The following THEM4 variants were observed in gnomAD, a reference collection of about 807,000 sequenced individuals.
THEM4 encodes thioesterase superfamily member 4.
A neutral mutation model predicts 25.0 loss-of-function variants in THEM4; 22 were observed. The observed-to-expected ratio is 0.88, with a 90% CI of 0.63 to 1.26. The LOEUF is 1.26. Ranked by LOEUF, THEM4 falls within the 50% of genes most tolerant of loss-of-function variation. The probability of loss-of-function intolerance (pLI) is 0.00; values close to 1 mark genes in which losing one functional copy is unlikely to be tolerated. For synonymous variants in THEM4, 113 were observed against 105.6 expected, an observed-to-expected ratio of 1.07 and a Z score of -0.43; for missense variants, 286 against 300.3, an observed-to-expected ratio of 0.95 and a Z score of 0.35.
chr1:151,884,679 T>A (rs1048084455), intron 4 of THEM4, among the ~76,000 whole-genome samples: 1 of 28,426 alleles, frequency 3.5e-5, no homozygotes, highest in African/African-American at 9.0e-5. Context: ...TTTCATTTCC[T>A]TTTTTTTGTT....
intron 2 of THEM4, 30 bp downstream of exon 2, chr1:151,894,978 A>G: frequency 6.2e-7 from 1 of 1,605,578 alleles, no homozygotes; most frequent in Non-Finnish European, 8.5e-7. Context: ...TGATGCTCAG[A>G]TATATTAATG....
At chr1:151,900,790 T>C (rs1654333205) in intron 1 of THEM4, among the ~76,000 whole-genome samples, 1 of 152,178 alleles carries the variant, frequency 6.6e-6, no homozygotes, top group Non-Finnish European at 1.5e-5. Context: ...AATCTGGCCA[T>C]AAACTGGCCC....
chr1:151,907,563 C>T (rs1654499096), intron 1 of THEM4, among the ~76,000 whole-genome samples: 1 of 152,138 alleles, frequency 6.6e-6, no homozygotes, highest in Non-Finnish European at 1.5e-5. Flanking sequence ...CTGGGCCCAG[C>T]TTTTGGATGT....
chr1:151,880,347 G>C (rs868023654), intron 4 of THEM4, among the ~76,000 whole-genome samples: 35 of 152,006 alleles, frequency 2.3e-4, no homozygotes, highest in African/African-American at 8.5e-4. Context: ...GCATGGTGGT[G>C]GGTGCCTGTA....
At chr1:151,893,369 C>T (rs1466789300) in intron 2 of THEM4, among the ~76,000 whole-genome samples, 1 of 69,736 alleles carries the variant, frequency 1.4e-5, no homozygotes, top group Non-Finnish European at 2.8e-5. Flanking sequence ...GAGACTCATT[C>T]TCAAAACCAA....
At chr1:151,882,307 C>T (rs559718502) in intron 4 of THEM4, among the ~76,000 whole-genome samples, 32 of 141,724 alleles carry the variant, frequency 2.3e-4, no homozygotes, top group South Asian at 9.1e-4. Context: ...ACGCAGGAGG[C>T]GGAGGTTGGA....
chr1:151,878,889 T>TACACACACACACAC (rs144026658), intron 4 of THEM4, among the ~76,000 whole-genome samples: 5,545 of 127,560 alleles, frequency 0.043, 372 homozygotes, highest in Admixed American at 0.11. Flanking sequence ...TGTATATGTC[T>TACACACACACACAC]ATACACACAC....
intron 1 of THEM4, among the ~76,000 whole-genome samples, chr1:151,895,918 T>C (rs2101727194): frequency 6.6e-6 from 1 of 152,110 alleles, no homozygotes; most frequent in East Asian, 1.9e-4. Context: ...GCACTCTTGC[T>C]CTTGCTGTGT....
At chr1:151,908,966 AT>A (rs901973233) in intron 1 of THEM4, among the ~76,000 whole-genome samples, 1 of 152,206 alleles carries the variant, frequency 6.6e-6, no homozygotes, top group Non-Finnish European at 1.5e-5. Flanking sequence ...TGGATCAAAT[AT>A]TTTTTTAAAG....
chr1:151,883,098 A>ATTTATTTC (rs1394527639), intron 4 of THEM4, among the ~76,000 whole-genome samples: 7 of 139,888 alleles, frequency 5.0e-5, no homozygotes, highest in African/African-American at 1.6e-4. Context: ...AAATGCTTTT[A>ATTTATTTC]TTTATTTATT....
chr1:151,876,949 TCCCAA>T lies in THEM4; in HGVS notation c.682+47_682+51del, dbSNP rs1198360271. On this transcript the variant is annotated intron_variant, in intron 5 of 5. Coordinates refer to ENST00000368814, the MANE Select transcript of THEM4 (RefSeq NM_053055.5). ...AACCAACCAACCAACCAACCAAAAC[TCCCAA>T]CCCAACCCAACTAAACCCCAAGAAA... is the stretch of plus-strand genomic sequence containing the variant. The T allele has an allele frequency of 3.9e-6, 6 of 1,541,872 alleles. No individual in the cohort carries two copies. The Admixed American group carries it at 8.4e-5, about 21-fold the overall frequency.
intron 4 of THEM4, among the ~76,000 whole-genome samples, chr1:151,880,972 C>T (rs189918091): frequency 6.6e-6 from 1 of 151,824 alleles, no homozygotes; most frequent in African/African-American, 2.4e-5. Context: ...TTGAGTTTTA[C>T]TACTTGTTTG....
chr1:151,894,372 G>T (rs549410865), intron 2 of THEM4, among the ~76,000 whole-genome samples: 26 of 152,156 alleles, frequency 1.7e-4, no homozygotes, highest in African/African-American at 5.1e-4. Context: ...CCTTAATTAA[G>T]AATAATATAT....
chr1:151,907,622 C>T (rs75645053), intron 1 of THEM4, among the ~76,000 whole-genome samples: 10 of 152,174 alleles, frequency 6.6e-5, no homozygotes, highest in Non-Finnish European at 1.0e-4. Context: ...TGTCTCACCC[C>T]ATGGCCTCTC....
At chr1:151,903,694 A>C (rs891941572) in intron 1 of THEM4, among the ~76,000 whole-genome samples, 2 of 152,256 alleles carry the variant, frequency 1.3e-5, no homozygotes, top group African/African-American at 4.8e-5. Context: ...GAGAGGCAGA[A>C]TAGTATGTAT....
chr1:151,890,277 C>G (rs979155646), intron 2 of THEM4: 2 of 432,594 alleles, frequency 4.6e-6, no homozygotes, highest in African/African-American at 4.1e-5. Flanking sequence ...TAATAGTGCA[C>G]TTGTTTAGAC....
chr1:151,906,661 C>T (rs944132861), intron 1 of THEM4, among the ~76,000 whole-genome samples: 6 of 152,204 alleles, frequency 3.9e-5, no homozygotes, highest in South Asian at 2.1e-4. Flanking sequence ...ATACACCAAT[C>T]GGCACTCTGT....
At chr1:151,894,224 G>A (rs1654164469) in intron 2 of THEM4, among the ~76,000 whole-genome samples, 1 of 152,168 alleles carries the variant, frequency 6.6e-6, no homozygotes, top group Non-Finnish European at 1.5e-5. Flanking sequence ...GTGTTTGGAT[G>A]ATTAAAAGAT....
At chr1:151,907,322 A>G (rs999914496) in intron 1 of THEM4, among the ~76,000 whole-genome samples, 3 of 152,186 alleles carry the variant, frequency 2.0e-5, no homozygotes, top group Non-Finnish European at 4.4e-5. Flanking sequence ...AACACTCACC[A>G]CGAGGGTCCG....
Sources: gnomAD v4.1 joint callset for allele counts (sites outside exome capture counted in the v4.1 genomes callset) on GRCh38, gnomAD v4.1.1 for gene constraint, MANE v1.5 for transcripts, NCBI Gene and HGNC (gene_info 2026-07-23, HGNC 2026-07-21) for gene names.